The following KCNN3 variants were observed in gnomAD, a reference collection of about 807,000 sequenced individuals.
KCNN3 encodes the protein potassium calcium-activated channel subfamily N member 3.
KCNN3 carries 16 observed loss-of-function variants against 62.9 expected under a neutral mutation model. The ratio of observed to expected loss-of-function variants is 0.25; its 90% CI spans 0.17 to 0.39. The LOEUF is 0.39. Ranked by LOEUF, KCNN3 falls within the 10% of genes least tolerant of loss-of-function variation. The pLI is 1.00. For missense variants in KCNN3, 599 were observed against 949.4 expected, an observed-to-expected ratio of 0.63 and a Z score of 4.85; for synonymous variants, 370 against 389.2, an observed-to-expected ratio of 0.95 and a Z score of 0.58.
intron 2 of KCNN3, among the ~76,000 whole-genome samples, chr1:154,818,472 T>C (rs1650761478): frequency 6.6e-6 from 1 of 152,164 alleles, no homozygotes; most frequent in Admixed American, 6.5e-5. Flanking sequence ...ACGTGTCCCC[T>C]CCAAAATTCA....
chr1:154,719,836 C>T (rs528708508), intron 5 of KCNN3, among the ~76,000 whole-genome samples: 1 of 152,246 alleles, frequency 6.6e-6, no homozygotes, highest in African/African-American at 2.4e-5. Flanking sequence ...CTGTTCTATT[C>T]CACACTCCCT....
intron 3 of KCNN3, among the ~76,000 whole-genome samples, chr1:154,735,701 C>T (rs1194769406): frequency 1.3e-5 from 2 of 152,228 alleles, no homozygotes; most frequent in Admixed American, 6.5e-5. Flanking sequence ...CTTGGAAAGG[C>T]AGCTGTCTCC....
intron 1 of KCNN3, among the ~76,000 whole-genome samples, chr1:154,867,382 G>C (rs1031232813): frequency 1.3e-5 from 2 of 152,194 alleles, no homozygotes; most frequent in African/African-American, 4.8e-5. Flanking sequence ...TTTTGACTAA[G>C]GCGGCTTCCA....
chr1:154,761,913 C>G (rs944392983), intron 3 of KCNN3, among the ~76,000 whole-genome samples: 1 of 152,162 alleles, frequency 6.6e-6, no homozygotes, highest in Non-Finnish European at 1.5e-5. Flanking sequence ...GCACTCCAGC[C>G]CGGGCGACAG....
At chr1:154,864,657 A>G (rs1305470666) in intron 1 of KCNN3, among the ~76,000 whole-genome samples, 1 of 152,238 alleles carries the variant, frequency 6.6e-6, no homozygotes, top group Non-Finnish European at 1.5e-5. Flanking sequence ...AAAAGAAGAC[A>G]CTGTGGGAGC....
chr1:154,757,974 G>C (rs916085842), intron 3 of KCNN3, among the ~76,000 whole-genome samples: 4 of 152,202 alleles, frequency 2.6e-5, no homozygotes, highest in Non-Finnish European at 5.9e-5. Flanking sequence ...TCACCTGCTA[G>C]TAAGAGCATA....
chr1:154,776,870 G>T (rs1006569620), intron 2 of KCNN3, among the ~76,000 whole-genome samples: 1 of 152,180 alleles, frequency 6.6e-6, no homozygotes, highest in Admixed American at 6.5e-5. Context: ...AATCTCTGGG[G>T]GTGGAGCCCT....
intron 1 of KCNN3, among the ~76,000 whole-genome samples, chr1:154,854,380 G>A (rs1472971285): frequency 1.3e-5 from 2 of 152,182 alleles, no homozygotes; most frequent in African/African-American, 4.8e-5. Context: ...GAAAAGAGAT[G>A]TCTTTTTCCT....
chr1:154,867,811 G>A (rs10908444), intron 1 of KCNN3: 112,586 of 233,036 alleles, frequency 0.48, 29,563 homozygotes, highest in East Asian at 0.88. Flanking sequence ...CAAACATTAC[G>A]CACATACACA....
At chr1:154,708,366 C>T (rs1054866067) in intron 7 of KCNN3, 94 bp from the exon 8 acceptor site, 20 of 1,263,688 alleles carry the variant, frequency 1.6e-5, no homozygotes, top group African/African-American at 7.3e-5. Flanking sequence ...CACAGTATGA[C>T]AGGAGCCACT....
chr1:154,723,911 AG>A (rs1700408200), intron 5 of KCNN3, among the ~76,000 whole-genome samples: 2 of 152,190 alleles, frequency 1.3e-5, no homozygotes, highest in African/African-American at 4.8e-5. Flanking sequence ...CCATTATTAG[AG>A]GGGGCTGAAA....
At position 154,701,255 on chromosome 1, in the gene KCNN3, T is replaced by C. The variant is rs1447714339; in HGVS notation, c.*6721A>G. On this transcript the variant is annotated 3_prime_UTR_variant, in exon 8 of 8. Coordinates refer to ENST00000271915, the MANE Select transcript of KCNN3 (RefSeq NM_002249.6). The stretch of plus-strand genomic sequence containing the variant: ...CTTGTTGTTTTGCACTATCTGTAAA[T>C]CTATGTGAATTTTCAGGGCTTGGGA... 1.3e-5 allele frequency: 2 copies of C among 152,176 alleles called. No individual in the cohort carries two copies. The highest frequency in any genetic ancestry group is 2.9e-5 in the Non-Finnish European group (2 of 68,042). 9.4% of individuals were successfully genotyped at this position (152,176 alleles called of 1,614,324 possible).
intron 3 of KCNN3, among the ~76,000 whole-genome samples, chr1:154,763,543 A>C (rs1302933454): frequency 1.3e-5 from 2 of 152,060 alleles, no homozygotes; most frequent in Non-Finnish European, 2.9e-5. Context: ...TGCCTGAAAA[A>C]CTTTAAGGAT....
At chr1:154,811,254 A>T (rs976760969) in intron 2 of KCNN3, among the ~76,000 whole-genome samples, 3 of 152,214 alleles carry the variant, frequency 2.0e-5, no homozygotes, top group Admixed American at 6.5e-5. Context: ...TGATGTGCGA[A>T]GAGAGCTCAC....
Position 154,701,919 on chromosome 1 carries a change from G to A in KCNN3, c.*6057C>T, listed in dbSNP as rs893226111. 2 of 152,182 alleles carry A rather than the reference G, an allele frequency of 1.3e-5. No homozygotes were observed. Among genetic ancestry groups the A allele is most frequent in the Non-Finnish European group, 1.5e-5 (1 of 68,024 alleles). 9.4% of individuals were successfully genotyped at this position (152,182 alleles called of 1,614,324 possible). On this transcript the variant is annotated 3_prime_UTR_variant, in exon 8 of 8. Transcript: ENST00000271915. The stretch of plus-strand genomic sequence containing the variant: ...ATGTCCAATTCTGACATTGTCAAAG[G>A]AAAACTGGTTGGCTAGGTTTGAGAC...
At chr1:154,731,841 A>G (rs1276283785) in intron 4 of KCNN3, among the ~76,000 whole-genome samples, 2 of 152,156 alleles carry the variant, frequency 1.3e-5, no homozygotes, top group Non-Finnish European at 2.9e-5. Flanking sequence ...ACCTCCCCCA[A>G]CACTACCCAG....
intron 2 of KCNN3, among the ~76,000 whole-genome samples, chr1:154,807,312 A>G (rs979535557): frequency 3.3e-5 from 5 of 152,332 alleles, no homozygotes; most frequent in Non-Finnish European, 5.9e-5. Context: ...GTAACCCAAC[A>G]GCAGCTGGGG....
Position 154,765,121 on chromosome 1 carries a change from T to C in KCNN3, c.1448+6854A>G, listed in dbSNP as rs142866412. On this transcript the variant is annotated intron_variant, in intron 3 of 7. Coordinates refer to ENST00000271915, the MANE Select transcript of KCNN3 (RefSeq NM_002249.6). Reference sequence around the variant, plus strand: ...ATAAATTTTCCAGAAAAAGAATGTATTGGGGTATGTCTAGGGGTGGCTCCT... The same window carrying C: ...ATAAATTTTCCAGAAAAAGAATGTACTGGGGTATGTCTAGGGGTGGCTCCT... 2.6e-5 allele frequency among the ~76,000 whole-genome samples: 4 copies of C among 152,302 alleles called. 1 individual carries two copies. The highest frequency in any genetic ancestry group is 9.6e-5 in the African/African-American group (4 of 41,570).
At chr1:154,790,423 C>T (rs1478701679) in intron 2 of KCNN3, among the ~76,000 whole-genome samples, 1 of 152,220 alleles carries the variant, frequency 6.6e-6, no homozygotes, top group Non-Finnish European at 1.5e-5. Context: ...CCTAGCCTGC[C>T]TTGTGTGCTC....
Sources: allele counts gnomAD v4.1 joint callset (sites outside exome capture counted in the v4.1 genomes callset), GRCh38; gene constraint gnomAD v4.1.1; transcripts MANE v1.5; gene names NCBI Gene and HGNC (gene_info 2026-07-23, HGNC 2026-07-21).